The following HPSE2 variants were observed in gnomAD, a reference collection of about 807,000 sequenced individuals.
HPSE2 encodes the protein heparanase 2 (inactive), also known as inactive heparanase-2.
HPSE2 carries 38 observed loss-of-function variants against 60.5 expected under a neutral mutation model. That is an observed-to-expected ratio of 0.63 (90% CI 0.48 to 0.82). HPSE2 has a LOEUF of 0.82. HPSE2 is among the 40% of genes least tolerant of loss of function. HPSE2 has a pLI of 0.00. For missense variants in HPSE2, 713 were observed against 740.4 expected (o/e 0.96, Z 0.43); for synonymous variants, 295 against 293.2 (o/e 1.01, Z -0.06).
intron 3 of HPSE2, among the ~76,000 whole-genome samples, chr10:99,140,444 CAAAT>C (rs368019030): frequency 1.2e-3 from 182 of 152,320 alleles, no homozygotes; most frequent in African/African-American, 4.2e-3. Context: ...TTTCACAACA[CAAAT>C]AAATTTTTAG....
At chr10:98,703,370 C>T (rs576434057) in intron 5 of HPSE2, among the ~76,000 whole-genome samples, 1 of 152,160 alleles carries the variant, frequency 6.6e-6, no homozygotes. Context: ...AGAGCTGGTA[C>T]CAGTCCTTCT....
intron 2 of HPSE2, 102 bp downstream of exon 2, chr10:99,232,246 C>CGA: frequency 7.4e-7 from 1 of 1,359,498 alleles, no homozygotes; most frequent in Non-Finnish European, 1.0e-6. Flanking sequence ...CACACACACA[C>CGA]ACACACACAC....
chr10:98,677,680 T>C (rs1338039904), intron 6 of HPSE2, among the ~76,000 whole-genome samples: 3 of 152,168 alleles, frequency 2.0e-5, no homozygotes, highest in Non-Finnish European at 4.4e-5. Flanking sequence ...ACCAGGCCTA[T>C]TTGACTTGAA....
At chr10:98,594,374 C>T (rs971493045) in intron 9 of HPSE2, among the ~76,000 whole-genome samples, 1 of 151,888 alleles carries the variant, frequency 6.6e-6, no homozygotes, top group African/African-American at 2.4e-5. Flanking sequence ...TTTTAAGATT[C>T]AATTTATTAG....
chr10:99,200,682 CAAT>C (rs1192362814), intron 2 of HPSE2, among the ~76,000 whole-genome samples: 2 of 134,244 alleles, frequency 1.5e-5, no homozygotes, highest in African/African-American at 5.1e-5. Context: ...AAAATGATGA[CAAT>C]GATGATGATG....
chr10:99,205,192 T>C (rs1225003943), intron 2 of HPSE2, among the ~76,000 whole-genome samples: 1 of 152,216 alleles, frequency 6.6e-6, no homozygotes. Context: ...CCTACCAGTA[T>C]GTAACATGCC....
intron 2 of HPSE2, among the ~76,000 whole-genome samples, chr10:99,153,044 C>T (rs935479021): frequency 4.6e-5 from 7 of 152,170 alleles, no homozygotes; most frequent in African/African-American, 9.6e-5. Flanking sequence ...CATTTCGGAC[C>T]GGCTTAAAAA....
At position 99,132,213 on chromosome 10, in the gene HPSE2, G is replaced by A. The variant is rs1387316022; in HGVS notation, c.610+12025C>T. Among the ~76,000 whole-genome samples the A allele has an allele frequency of 4.2e-3, 90 of 21,402 alleles. 2 individuals carry two copies. Among genetic ancestry groups the A allele is most frequent in the Admixed American group, 0.01 (16 of 1,554 alleles). The allele number at this position is 21,402 out of a possible 152,430, so 14.0% of individuals were successfully genotyped here. On this transcript the variant is annotated intron_variant, in intron 3 of 11. Transcript: ENST00000370552. Reference sequence around the variant, plus strand: ...AGAAAGAGAGAGAGAGAGAGAGAGAGAGAGAGAGAGAGAGAGAGAGAGAGA... The same window carrying A: ...AGAAAGAGAGAGAGAGAGAGAGAGAAAGAGAGAGAGAGAGAGAGAGAGAGA...
At chr10:98,824,228 G>C (rs549897969) in intron 3 of HPSE2, among the ~76,000 whole-genome samples, 1 of 152,176 alleles carries the variant, frequency 6.6e-6, no homozygotes, top group Non-Finnish European at 1.5e-5. Context: ...ATAAACAATG[G>C]TTATCTTCAA....
intron 3 of HPSE2, among the ~76,000 whole-genome samples, chr10:98,970,473 T>C (rs960722618): frequency 6.6e-6 from 1 of 152,164 alleles, no homozygotes; most frequent in Non-Finnish European, 1.5e-5. Context: ...TTTGCAACAC[T>C]GACACTTTAT....
intron 3 of HPSE2, among the ~76,000 whole-genome samples, chr10:98,922,099 A>T (rs1954298606): frequency 6.6e-6 from 1 of 152,238 alleles, no homozygotes; most frequent in South Asian, 2.1e-4. Context: ...AATAGAAATG[A>T]TTTAATTACC....
chr10:98,607,950 A>C (rs1945640389), intron 9 of HPSE2, among the ~76,000 whole-genome samples: 1 of 152,224 alleles, frequency 6.6e-6, no homozygotes, highest in Non-Finnish European at 1.5e-5. Flanking sequence ...TAACAAAGTG[A>C]CTTTATAAAT....
intron 6 of HPSE2, among the ~76,000 whole-genome samples, chr10:98,663,374 GA>G (rs1947276753): frequency 6.6e-6 from 1 of 152,156 alleles, no homozygotes; most frequent in African/African-American, 2.4e-5. Flanking sequence ...GACTCATATT[GA>G]GGATAAGTGC....
intron 3 of HPSE2, among the ~76,000 whole-genome samples, chr10:99,143,170 G>A (rs896290223): frequency 3.3e-5 from 5 of 152,062 alleles, no homozygotes; most frequent in African/African-American, 1.2e-4. Context: ...CTATACTTAT[G>A]AAATCCATAA....
At chr10:99,064,730 C>CA (rs1842561662) in intron 3 of HPSE2, among the ~76,000 whole-genome samples, 1 of 142,338 alleles carries the variant, frequency 7.0e-6, no homozygotes, top group Non-Finnish European at 1.6e-5. Context: ...ACCTTATCAA[C>CA]CAAAAAAAAA....
At chr10:98,695,114 G>A (rs530959161) in intron 5 of HPSE2, among the ~76,000 whole-genome samples, 1 of 152,042 alleles carries the variant, frequency 6.6e-6, no homozygotes, top group South Asian at 2.1e-4. Context: ...AGAGAATTGA[G>A]TTTCTCTGGA....
At chr10:99,305,979 G>GCGCGCGCGCACGCACACACACACACA in the HPSE2 span, among the ~76,000 whole-genome samples, 1 of 80,580 alleles carries the variant, frequency 1.2e-5, no homozygotes, top group African/African-American at 5.4e-5. Context: ...GCGCGCGCGC[G>GCGCGCGCGCACGCACACACACACACA]CACACACACA....
intron 1 of HPSE2, among the ~76,000 whole-genome samples, chr10:99,234,970 C>A (rs958202275): frequency 3.3e-5 from 5 of 152,144 alleles, no homozygotes; most frequent in African/African-American, 1.2e-4. Context: ...AACTTGCCCA[C>A]CACTCAAGCC....
At chr10:98,484,795 G>A (rs1217485635) in intron 10 of HPSE2, among the ~76,000 whole-genome samples, 1 of 152,190 alleles carries the variant, frequency 6.6e-6, no homozygotes, top group Non-Finnish European at 1.5e-5. Flanking sequence ...AGAAGTCTGA[G>A]AGAACTATAT....
Sources: allele counts gnomAD v4.1 joint callset (sites outside exome capture counted in the v4.1 genomes callset), GRCh38; gene constraint gnomAD v4.1.1; transcripts MANE v1.5; gene names NCBI Gene and HGNC (gene_info 2026-07-23, HGNC 2026-07-21).